The following TCERG1 variants were observed in gnomAD, a reference collection of about 807,000 sequenced individuals.
TCERG1 encodes the protein transcription elongation regulator 1, also known as TATA box binding protein (TBP)-associated factor, RNA polymerase II, S, 150kD.
TCERG1 carries 37 observed loss-of-function variants against 144.7 expected under a neutral mutation model. The ratio of observed to expected loss-of-function variants is 0.26; its 90% CI spans 0.20 to 0.34. TCERG1 has a LOEUF of 0.34. Ranked by LOEUF, TCERG1 falls within the 10% of genes least tolerant of loss-of-function variation. The pLI is 1.00. For missense variants in TCERG1, 1,027 were observed against 1,380.7 expected (o/e 0.74, Z 4.06); for synonymous variants, 492 against 458.2 (o/e 1.07, Z -0.94).
chr5:146,455,082 T>A lies in TCERG1; in HGVS notation c.86T>A (p.Phe29Tyr). The A allele has an allele frequency of 1.9e-6, 3 of 1,614,234 alleles. No individual in the cohort carries two copies. Among genetic ancestry groups the A allele is most frequent in the Non-Finnish European group, 2.5e-6 (3 of 1,180,042 alleles). The change falls in exon 2 of 23, where the codon TTC (phenylalanine) becomes TAC (tyrosine). Residue 29 changes from phenylalanine (F) to tyrosine (Y), a missense_variant. This residue lies in a region of TCERG1 where 175 missense variants were observed against 197.0 expected (regional missense o/e 0.89). Transcript: ENST00000679501. ...LRMAQQQALR[F>Y]RGPAPPPNAV... ...ATGGCCCAACAGCAGGCCTTGAGGTTCCGAGGTCCGGCTCCCCCACCAAAT... is the reference window on the plus strand; with the variant it reads ...ATGGCCCAACAGCAGGCCTTGAGGTACCGAGGTCCGGCTCCCCCACCAAAT...
chr5:146,482,567 A>C (rs749408469), intron 13 of TCERG1, 25 bp from the exon 14 acceptor site: 1 of 1,573,150 alleles, frequency 6.4e-7, no homozygotes, highest in African/African-American at 1.4e-5. Context: ...TTGTCAGTTG[A>C]TGTCTTATAT....
intron 5 of TCERG1, among the ~76,000 whole-genome samples, chr5:146,466,984 A>T (rs983388087): frequency 4.6e-5 from 7 of 152,240 alleles, no homozygotes; most frequent in Non-Finnish European, 4.4e-5. Flanking sequence ...AACTTAATCC[A>T]TGCTGTAACT....
chr5:146,447,343 C>G lies in TCERG1; in HGVS notation c.-7C>G, dbSNP rs779923447. On this transcript the variant is annotated 5_prime_UTR_variant, in exon 1 of 23. Coordinates refer to ENST00000679501, the MANE Select transcript of TCERG1 (RefSeq NM_001382548.1). The stretch of plus-strand genomic sequence containing the variant: ...GGTCGGCGGGTGGATGAACGCGGCC[C>G]TCTGTAATGGCGGAGCGTGGCGGGG... 17 of 1,611,852 alleles carry G rather than the reference C, an allele frequency of 1.1e-5. No individual in the cohort carries two copies. The Admixed American group carries it at 1.2e-4, about 11-fold the overall frequency.
chr5:146,463,665 A>G lies in TCERG1; in HGVS notation c.1007A>G (p.His336Arg). ...CCTGTGCAAACCGTTCCCCAGCCGC[A>G]CCCTCAGACGTTACCTCCTGCTGTT... is the stretch of plus-strand genomic sequence containing the variant. The part of the protein sequence containing the change: ...ATPVQTVPQP[H>R]PQTLPPAVPH... The change falls in exon 5 of 23, where the codon CAC (histidine) becomes CGC (arginine). Residue 336 changes from histidine to arginine, a missense_variant. By Grantham distance (29) the His-to-Arg change is conservative. Transcript: ENST00000679501. 6.2e-7 allele frequency: 1 copy of G among 1,614,062 alleles called. No individual in the cohort carries two copies. The highest frequency in any genetic ancestry group is 8.5e-7 in the Non-Finnish European group (1 of 1,180,002).
At chr5:146,484,378 T>C (rs1476024072) in intron 15 of TCERG1, among the ~76,000 whole-genome samples, 2 of 152,200 alleles carry the variant, frequency 1.3e-5, no homozygotes, top group South Asian at 2.1e-4. Context: ...ATCCTGACAC[T>C]GATCTCCATA....
At chr5:146,484,229 A>G (rs1765622077) in intron 15 of TCERG1, among the ~76,000 whole-genome samples, 1 of 152,188 alleles carries the variant, frequency 6.6e-6, no homozygotes, top group African/African-American at 2.4e-5. Context: ...TCAGAAAAAC[A>G]GTGGATACTT....
intron 3 of TCERG1, among the ~76,000 whole-genome samples, chr5:146,458,597 C>T (rs188328620): frequency 1.3e-3 from 192 of 152,128 alleles, no homozygotes; most frequent in Admixed American, 1.6e-3. Flanking sequence ...CTCAGCCTCC[C>T]GAGTAGCTGG....
intron 15 of TCERG1, among the ~76,000 whole-genome samples, chr5:146,486,402 TTTTTG>T (rs1765833597): frequency 6.6e-6 from 1 of 152,224 alleles, no homozygotes; most frequent in African/African-American, 2.4e-5. Context: ...GTCTGAAATG[TTTTTG>T]TTTTATTTGT....
chr5:146,482,210 T>C (rs1765422015), intron 13 of TCERG1: 1 of 153,564 alleles, frequency 6.5e-6, no homozygotes, highest in Admixed American at 6.5e-5. Context: ...TTTTTCTATA[T>C]TTCAAGAACT....
rs1425498873 is a variant in TCERG1, at chr5:146,459,000, T to TCAGGCCCAGGCG, written c.561_572dup (p.Ala239_Gln242dup). 6.2e-7 allele frequency: 1 copy of TCAGGCCCAGGCG among 1,612,826 alleles called. No individual in the cohort carries two copies. The highest frequency in any genetic ancestry group is 1.7e-5 in the Admixed American group (1 of 59,962). On this transcript the variant is annotated inframe_insertion, in exon 4 of 23. Coordinates refer to ENST00000679501, the MANE Select transcript of TCERG1 (RefSeq NM_001382548.1). ...TTGCAGCCCAGGCACAGGTTCAGGC[T>TCAGGCCCAGGCG]CAGGCCCAGGCGCAGGCTCAGGCCC... is the stretch of plus-strand genomic sequence containing the variant.
chr5:146,488,907 G>A (rs2150662995), intron 15 of TCERG1, among the ~76,000 whole-genome samples: 2 of 152,266 alleles, frequency 1.3e-5, no homozygotes, highest in African/African-American at 4.8e-5. Flanking sequence ...CAGCAACATC[G>A]ATGGAACTGG....
At chr5:146,485,916 A>G (rs964888352) in intron 15 of TCERG1, among the ~76,000 whole-genome samples, 1 of 152,154 alleles carries the variant, frequency 6.6e-6, no homozygotes, top group African/African-American at 2.4e-5. Context: ...GCTGGTCTTG[A>G]ACACCGGACC....
chr5:146,506,896 G>GT (rs1218940380), intron 19 of TCERG1, 132 bp from the exon 20 acceptor site: 10 of 632,516 alleles, frequency 1.6e-5, no homozygotes, highest in Non-Finnish European at 2.3e-5. Flanking sequence ...CTTTATCCAT[G>GT]TATCTGTTGA....
chr5:146,475,660 C>A (rs1478608609), intron 9 of TCERG1, among the ~76,000 whole-genome samples: 1 of 152,140 alleles, frequency 6.6e-6, no homozygotes, highest in Non-Finnish European at 1.5e-5. Flanking sequence ...TGGCAATGAC[C>A]TTGAGCAGTA....
At chr5:146,487,624 A>C (rs1765968826) in intron 15 of TCERG1, among the ~76,000 whole-genome samples, 1 of 151,940 alleles carries the variant, frequency 6.6e-6, no homozygotes, top group South Asian at 2.1e-4. Flanking sequence ...AGTCCAAGCT[A>C]CTTGGGAGAC....
chr5:146,479,918 G>A lies in TCERG1; in HGVS notation c.1819+7G>A. On this transcript the variant is annotated splice_region_variant and intron_variant, in intron 11 of 22. Coordinates refer to ENST00000679501, the MANE Select transcript of TCERG1 (RefSeq NM_001382548.1). ...CAATTCTCTATGAGTGCAAGTGAGT[G>A]AACTAACCATAAATTGCAGCTTCTT... 6.2e-7 allele frequency: 1 copy of A among 1,612,632 alleles called. No individual in the cohort carries two copies. The highest frequency in any genetic ancestry group is 8.5e-7 in the Non-Finnish European group (1 of 1,179,190).
chr5:146,497,069 C>T (rs1050194951), intron 16 of TCERG1, among the ~76,000 whole-genome samples: 2 of 151,984 alleles, frequency 1.3e-5, no homozygotes, highest in African/African-American at 4.8e-5. Context: ...CAGGGTTACA[C>T]CTTGTTGGCC....
intron 2 of TCERG1, among the ~76,000 whole-genome samples, chr5:146,456,782 A>G (rs1429306913): frequency 6.6e-6 from 1 of 152,222 alleles, no homozygotes; most frequent in Non-Finnish European, 1.5e-5. Flanking sequence ...TTAATTTTGA[A>G]ACTCATTTTT....
At chr5:146,465,760 G>T (rs143727107) in intron 5 of TCERG1, among the ~76,000 whole-genome samples, 2,788 of 152,236 alleles carry the variant, frequency 0.018, 89 homozygotes, top group African/African-American at 0.063. Flanking sequence ...GGCTGGGCAC[G>T]GTGGCTTACG....
Sources: gnomAD v4.1 joint callset for allele counts (sites outside exome capture counted in the v4.1 genomes callset) on GRCh38, gnomAD v4.1.1 for gene constraint, gnomAD v4.1.1 regional missense constraint, MANE v1.5 for transcripts, NCBI Gene and HGNC (gene_info 2026-07-23, HGNC 2026-07-21) for gene names.